The following DNAH1 variants were observed in gnomAD, a reference collection of about 807,000 sequenced individuals.
DNAH1 encodes the protein axonemal beta dynein heavy chain 1.
In DNAH1, 327 loss-of-function variants were observed where a neutral mutation model predicts 484.3. The ratio of observed to expected loss-of-function variants is 0.68; its 90% CI spans 0.62 to 0.74. The LOEUF is 0.74. Ranked by LOEUF, DNAH1 falls within the 30% of genes least tolerant of loss-of-function variation. The pLI is 0.00. For synonymous variants in DNAH1, 2,192 were observed against 2,191.9 expected (o/e 1.00, Z 0.00); for missense variants, 5,052 against 5,546.8 (o/e 0.91, Z 2.83).
chr3:52,343,583 G>A (rs1702026428), intron 8 of DNAH1, among the ~76,000 whole-genome samples: 1 of 152,142 alleles, frequency 6.6e-6, no homozygotes, highest in Non-Finnish European at 1.5e-5. Flanking sequence ...TGTTGAAGGT[G>A]AGACCAGTCC....
chr3:52,400,381 A>G lies in DNAH1; in HGVS notation c.12733A>G (p.Thr4245Ala). The G allele has an allele frequency of 6.2e-7, 1 of 1,613,904 alleles. No individual in the cohort carries two copies. Among genetic ancestry groups the G allele is most frequent in the Non-Finnish European group, 8.5e-7 (1 of 1,179,844 alleles). Residue 4245 changes from threonine (T) to alanine (A), a missense_variant, in exon 78 of 78, where the codon ACC becomes GCC. Coordinates refer to ENST00000420323, the MANE Select transcript of DNAH1 (RefSeq NM_015512.5). ...CTATGTCATTGCTGTGGAGATCCCC[A>G]CCCATCAGCCCCAGCGACACTGGAT... is the stretch of plus-strand genomic sequence containing the variant. Reference protein sequence around the residue: ...TNYVIAVEIPTHQPQRHWIKR... With the variant: ...TNYVIAVEIPAHQPQRHWIKR...
At chr3:52,376,422 A>G (rs1426958667) in intron 46 of DNAH1, among the ~76,000 whole-genome samples, 3 of 152,150 alleles carry the variant, frequency 2.0e-5, no homozygotes, top group Admixed American at 6.5e-5. Flanking sequence ...GTCCTTGCCC[A>G]GGCCTGCCTC....
intron 1 of DNAH1, among the ~76,000 whole-genome samples, chr3:52,318,267 C>G (rs1326868374): frequency 6.6e-6 from 1 of 152,238 alleles, no homozygotes; most frequent in African/African-American, 2.4e-5. Context: ...CCAAGCTGGT[C>G]TTAAACTCCT....
In DNAH1 at chr3:52,398,070, G is replaced by A. The variant is rs1251338265; in HGVS notation, c.11997G>A (p.Val3999=). Residue 3999 remains valine (V), a synonymous_variant, in exon 75 of 78, where the codon GTG becomes GTA. Coordinates refer to ENST00000420323, the MANE Select transcript of DNAH1 (RefSeq NM_015512.5). ...EDVTQNILLK[V]PEPINLQWVM... ...TCACCCAAAACATTCTGCTCAAGGT[G>A]CCTGAGCCTATCAACTTGCAATGGG... 22 of 1,613,816 alleles carry A rather than the reference G, an allele frequency of 1.4e-5. No homozygotes were observed. The highest frequency in any genetic ancestry group is 1.1e-4 in the African/African-American group (8 of 74,926).
In DNAH1 at chr3:52,326,237, G is replaced by GCAGGC; in HGVS notation, c.506_510dup (p.Tyr171ArgfsTer32). 1 of 1,613,038 alleles carries GCAGGC rather than the reference G, an allele frequency of 6.2e-7. No homozygotes were observed. The highest frequency in any genetic ancestry group is 1.1e-5 in the South Asian group (1 of 90,958). On this transcript the variant is annotated frameshift_variant, in exon 4 of 78. Coordinates refer to ENST00000420323, the MANE Select transcript of DNAH1 (RefSeq NM_015512.5). LOFTEE classifies it high-confidence loss of function. ...TGCTCGCCCAGACTGACTTCCCACT[G>GCAGGC]CAGGCCTACGAGCCCAAGATGCAGG... is the stretch of plus-strand genomic sequence containing the variant.
rs745367862 is a variant in DNAH1 at position 52,322,413 on chromosome 3, T to G, written c.-30T>G. On this transcript the variant is annotated 5_prime_UTR_variant, in exon 2 of 78. Transcript: ENST00000420323. ...GACGCTGGGTTCTTCTCCTAGGAGC[T>G]TCGGCTGGGGCATCTCCCTGAGAAG... 3 of 1,586,844 alleles carry G rather than the reference T, an allele frequency of 1.9e-6. No homozygotes were observed. The highest frequency in any genetic ancestry group is 2.6e-6 in the Non-Finnish European group (3 of 1,171,740).
chr3:52,391,210 T>C lies in DNAH1; in HGVS notation c.9773T>C (p.Leu3258Ser). The C allele has an allele frequency of 6.2e-7, 1 of 1,613,944 alleles. No individual in the cohort carries two copies. Among genetic ancestry groups the C allele is most frequent in the Non-Finnish European group, 8.5e-7 (1 of 1,179,866 alleles). Residue 3258 changes from leucine (L) to serine (S), a missense_variant, in exon 62 of 78, where the codon TTG becomes TCG. Physicochemically the swap from Leu to Ser is moderately radical, Grantham distance 145. Around this residue, in one of 4 missense-constraint regions of DNAH1, gnomAD observed 2,929 missense variants for 3,409.4 expected, o/e 0.86. Coordinates refer to ENST00000420323, the MANE Select transcript of DNAH1 (RefSeq NM_015512.5). ...GACAATGGGCTGGATGTGTTCAAGT[T>C]GAGTGACCGCGACTTCCTGCGCAGC... ...EKDNGLDVFK[L>S]SDRDFLRSME...
At chr3:52,337,537 A>G (rs371582723) in intron 8 of DNAH1, among the ~76,000 whole-genome samples, 3 of 152,332 alleles carry the variant, frequency 2.0e-5, no homozygotes, top group East Asian at 3.9e-4. Flanking sequence ...AAGCCCATTC[A>G]CATTTATTGG....
At chr3:52,349,842 A>T in intron 14 of DNAH1, 147 bp from the exon 15 acceptor site, 3 of 1,200,398 alleles carry the variant, frequency 2.5e-6, no homozygotes, top group Non-Finnish European at 3.4e-6. Flanking sequence ...GCCCACCAGG[A>T]GCACCCCTCT....
chr3:52,385,043 G>A (rs892748293), intron 53 of DNAH1, 66 bp downstream of exon 53: 5 of 1,524,926 alleles, frequency 3.3e-6, no homozygotes, highest in South Asian at 1.3e-5. Context: ...ACTCAGCCCT[G>A]ACTCCAGGGT....
chr3:52,383,475 G>A lies in DNAH1; in HGVS notation c.8031G>A (p.Gln2677=), dbSNP rs377727968. ...PNLYTADEQD[Q]IVSTMRPYIQ... is the part of the protein sequence containing the mutation. ...TGTATACTGCGGACGAGCAGGACCAGATCGTCAGCACCATGCGGCCCTATA... is the reference window on the plus strand; with the variant it reads ...TGTATACTGCGGACGAGCAGGACCAAATCGTCAGCACCATGCGGCCCTATA... The change falls in exon 51 of 78, where the codon CAG becomes CAA. Residue 2677 remains glutamine (Q), a synonymous_variant. Coordinates refer to ENST00000420323, the MANE Select transcript of DNAH1 (RefSeq NM_015512.5). 6.2e-6 allele frequency: 10 copies of A among 1,613,962 alleles called. No individual in the cohort carries two copies. The African/African-American group carries it at 1.3e-4, about 22-fold the overall frequency.
chr3:52,348,814 C>G, intron 12 of DNAH1, 74 bp from the exon 13 acceptor site: 1 of 1,524,490 alleles, frequency 6.6e-7, no homozygotes, highest in Non-Finnish European at 8.9e-7. Context: ...CTCGGGAGGA[C>G]TCCCCATCTC....
chr3:52,371,024 A>G (rs1703316253), intron 41 of DNAH1, among the ~76,000 whole-genome samples, 199 bp downstream of exon 41: 1 of 152,194 alleles, frequency 6.6e-6, no homozygotes, highest in African/African-American at 2.4e-5. Flanking sequence ...GATGTGGCAG[A>G]GCTGTACTTG....
upstream of DNAH1, among the ~76,000 whole-genome samples, chr3:52,312,645 A>ATTTGT (rs993854212): frequency 7.4e-5 from 11 of 147,660 alleles, no homozygotes; most frequent in South Asian, 2.2e-4. Flanking sequence ...TAATTTTCGT[A>ATTTGT]TTTGTTTTGT....
chr3:52,377,854 G>A (rs536832965), intron 46 of DNAH1, among the ~76,000 whole-genome samples: 5 of 151,972 alleles, frequency 3.3e-5, no homozygotes, highest in East Asian at 1.9e-4. Context: ...AGGGCTGCCC[G>A]TAGCCCTTGC....
chr3:52,364,795 G>A lies in DNAH1; in HGVS notation c.5332-38G>A, dbSNP rs1158122678. ...CTCCTGGGCAGCTGGAGGGCAGCTGGCCCACTGCCCTGAAGGCTCAGCCGG... is the reference window on the plus strand; with the variant it reads ...CTCCTGGGCAGCTGGAGGGCAGCTGACCCACTGCCCTGAAGGCTCAGCCGG... On this transcript the variant is annotated intron_variant, in intron 33 of 77. Transcript: ENST00000420323. The surrounding 1 kb of genome is among the most constrained non-coding windows in gnomAD (Gnocchi z 4.2). The A allele has an allele frequency of 1.3e-5, 21 of 1,607,856 alleles. No individual in the cohort carries two copies. Among genetic ancestry groups the A allele is most frequent in the Non-Finnish European group, 1.8e-5 (21 of 1,175,830 alleles).
chr3:52,357,537 G>A, intron 22 of DNAH1, 77 bp from the exon 23 acceptor site: 1 of 1,531,910 alleles, frequency 6.5e-7, no homozygotes. Context: ...GGCTGGTGTG[G>A]GTGCTCTGGG....
chr3:52,389,798 G>C (rs897181866), intron 60 of DNAH1, among the ~76,000 whole-genome samples: 1 of 152,220 alleles, frequency 6.6e-6, no homozygotes, highest in Non-Finnish European at 1.5e-5. Flanking sequence ...AATGTGGGGA[G>C]AGGGATTAGG....
Position 52,326,288 on chromosome 3 carries a change from G to A in DNAH1, c.555G>A (p.Gln185=), listed in dbSNP as rs914030550. 1 of 1,609,690 alleles carries A rather than the reference G, an allele frequency of 6.2e-7. No homozygotes were observed. Among genetic ancestry groups the A allele is most frequent in the Non-Finnish European group, 8.5e-7 (1 of 1,179,760 alleles). ...TGCCTTTCCAGGTGCTGCCAGGCCA[G>A]CATCCTCGCAAGATTGAGATCGAGA... ...MQVPFQVLPG[Q]HPRKIEIERR... is the part of the protein sequence containing the mutation. The change falls in exon 4 of 78, where the codon CAG becomes CAA. Residue 185 remains glutamine, a synonymous_variant. Transcript: ENST00000420323.
Sources: allele counts gnomAD v4.1 joint callset (sites outside exome capture counted in the v4.1 genomes callset), GRCh38; gene constraint gnomAD v4.1.1; regional missense constraint gnomAD v4.1.1; non-coding constraint Gnocchi (gnomAD v3.1); transcripts MANE v1.5; gene names NCBI Gene and HGNC (gene_info 2026-07-23, HGNC 2026-07-21).